Variants in ZDHHC11 observed in about 807,000 individuals in gnomAD.
ZDHHC11 encodes zDHHC palmitoyltransferase 11.
ZDHHC11 carries 44 observed loss-of-function variants against 51.3 expected under a neutral mutation model. The observed-to-expected ratio is 0.86, with a 90% CI of 0.67 to 1.10. ZDHHC11 has a LOEUF of 1.10. Among genes scored for constraint, ZDHHC11 ranks in the 50% least tolerant of loss-of-function variants. ZDHHC11 has a pLI of 0.00. For synonymous variants in ZDHHC11, 163 were observed against 222.0 expected, an observed-to-expected ratio of 0.73 and a Z score of 2.36; for missense variants, 400 against 537.7, an observed-to-expected ratio of 0.74 and a Z score of 2.53.
At chr5:840,383 G>A in intron 5 of ZDHHC11, 112 bp downstream of exon 5, 1 of 1,393,364 alleles carries the variant, frequency 7.2e-7, no homozygotes, top group Non-Finnish European at 1.0e-6. Context: ...AAAGACTCTG[G>A]CCCCAGGCGT....
rs376255281 is a variant in ZDHHC11, at chr5:850,626, C to T, written c.-24G>A. 1.2e-6 allele frequency: 2 copies of T among 1,609,128 alleles called. No individual in the cohort carries two copies. The highest frequency in any genetic ancestry group is 1.7e-5 in the Admixed American group (1 of 59,946). ...ATCTGCAGGACACAGAAGGGGAGGA[C>T]CTGCGCCGTCAGATCCTGGGAGGGC... On this transcript the variant is annotated 5_prime_UTR_variant, in exon 1 of 13. Coordinates refer to ENST00000283441, the MANE Select transcript of ZDHHC11 (RefSeq NM_024786.3).
At chr5:846,854 C>A (rs1366584510) in intron 3 of ZDHHC11, among the ~76,000 whole-genome samples, 1 of 145,526 alleles carries the variant, frequency 6.9e-6, no homozygotes, top group Non-Finnish European at 1.5e-5. Flanking sequence ...AGGGGAAACA[C>A]CTCTCGTTCT....
Position 849,273 on chromosome 5 carries a change from C to T in ZDHHC11, c.223-613G>A, listed in dbSNP as rs1362809685. On this transcript the variant is annotated intron_variant, in intron 1 of 12. Transcript: ENST00000283441. ...AGGGCAAATCCCCCACAGAATGTAC[C>T]GCACCCCCAGAGGCTCAGTCAGCCC... 3.3e-5 allele frequency among the ~76,000 whole-genome samples: 5 copies of T among 152,086 alleles called. No homozygotes were observed. The East Asian group carries it at 7.7e-4, about 23-fold the overall frequency.
At chr5:843,133 A>G (rs1237258288) in intron 4 of ZDHHC11, among the ~76,000 whole-genome samples, 8 of 152,280 alleles carry the variant, frequency 5.3e-5, no homozygotes, top group Non-Finnish European at 1.2e-4. Flanking sequence ...CCCGAGGCCC[A>G]GGCTCCGGGC....
At chr5:840,233 G>A (rs1333533992) in intron 5 of ZDHHC11, 1 of 714,950 alleles carries the variant, frequency 1.4e-6, no homozygotes, top group South Asian at 1.5e-5. Flanking sequence ...CACCACTCCT[G>A]CAGGTCTCGG....
intron 11 of ZDHHC11, among the ~76,000 whole-genome samples, chr5:814,179 G>A (rs554172858): frequency 6.8e-6 from 1 of 146,354 alleles, no homozygotes; most frequent in African/African-American, 2.6e-5. Context: ...TGTTCTGTGA[G>A]AAGTGTATCC....
In ZDHHC11 at chr5:848,627, C is replaced by CGA. The variant is rs1746629286; in HGVS notation, c.254_255dup (p.Val86SerfsTer4). ...TCGATGCAGGACGCGATCAGGTGGA[C>CGA]GACGAGGTGGAACGAGAAGATCCCC... On this transcript the variant is annotated frameshift_variant, in exon 2 of 13. Transcript: ENST00000283441. LOFTEE classifies it high-confidence loss of function. 2.0e-6 allele frequency: 3 copies of CGA among 1,526,582 alleles called. No homozygotes were observed. Among genetic ancestry groups the CGA allele is most frequent in the African/African-American group, 1.5e-5 (1 of 68,308 alleles). 94.6% of individuals were successfully genotyped at this position (1,526,582 alleles called of 1,614,324 possible).
At chr5:828,828 G>C (rs1207165856) in intron 7 of ZDHHC11, among the ~76,000 whole-genome samples, 2 of 139,938 alleles carry the variant, frequency 1.4e-5, no homozygotes, top group Admixed American at 1.4e-4. Context: ...GGAATAAATT[G>C]ATAATTAACT....
chr5:812,420 T>C (rs1239696592), intron 11 of ZDHHC11, among the ~76,000 whole-genome samples: 1 of 151,702 alleles, frequency 6.6e-6, no homozygotes, highest in Non-Finnish European at 1.5e-5. Context: ...GCGCAAACCT[T>C]TGAAAAGCTA....
At chr5:841,107 C>G (rs1744824609) in intron 4 of ZDHHC11, 1 of 926,322 alleles carries the variant, frequency 1.1e-6, no homozygotes, top group Admixed American at 1.2e-4. Flanking sequence ...TCACTAAGTG[C>G]CAGGGTCACA....
At chr5:859,425 C>T (rs753116332), upstream of ZDHHC11, among the ~76,000 whole-genome samples, 2 of 151,982 alleles carry the variant, frequency 1.3e-5, no homozygotes, top group Non-Finnish European at 2.9e-5. Context: ...CGTTGTGGTC[C>T]GCAACAAAAT....
At position 828,356 on chromosome 5, in the gene ZDHHC11, G is replaced by A. The variant is rs1044155353; in HGVS notation, c.936-3105C>T. ...CACCTCCCAGATGCGGCAGCTGGCC[G>A]GGTGGAGGTGCCCCCCACCTCCCTC... On this transcript the variant is annotated intron_variant, in intron 7 of 12. Coordinates refer to ENST00000283441, the MANE Select transcript of ZDHHC11 (RefSeq NM_024786.3). Among the ~76,000 whole-genome samples the A allele has an allele frequency of 4.7e-5, 7 of 149,470 alleles. No individual in the cohort carries two copies. In the East Asian group the frequency reaches 7.8e-4, roughly 17 times the overall value.
chr5:852,912 C>G (rs1378171715), upstream of ZDHHC11, among the ~76,000 whole-genome samples: 1 of 146,720 alleles, frequency 6.8e-6, no homozygotes, highest in African/African-American at 2.5e-5. Context: ...CGGGGACAGA[C>G]CCCGCGGAGG....
upstream of ZDHHC11, among the ~76,000 whole-genome samples, chr5:855,668 C>T (rs371073075): frequency 3.9e-4 from 45 of 116,232 alleles, no homozygotes; most frequent in African/African-American, 1.3e-3. Context: ...GACAGCCAGC[C>T]GGGGGGACAG....
chr5:841,226 C>A (rs1744863462), intron 4 of ZDHHC11: 1 of 1,039,414 alleles, frequency 9.6e-7, no homozygotes, highest in Non-Finnish European at 1.2e-6. Flanking sequence ...CAGTGCCTGC[C>A]GGCTCTGCCG....
At chr5:805,028 TACA>T (rs1739049293) in intron 11 of ZDHHC11, among the ~76,000 whole-genome samples, 1 of 151,416 alleles carries the variant, frequency 6.6e-6, no homozygotes, top group Admixed American at 6.6e-5. Flanking sequence ...AAATGCATAT[TACA>T]ATAATTATAA....
chr5:852,318 A>G (rs79314207), upstream of ZDHHC11, among the ~76,000 whole-genome samples: 4,471 of 152,330 alleles, frequency 0.029, 231 homozygotes, highest in African/African-American at 0.1. Context: ...CAACACGTTC[A>G]TCTGTCAGGA....
At chr5:844,391 G>A (rs374740315) in intron 3 of ZDHHC11, among the ~76,000 whole-genome samples, 19 of 152,408 alleles carry the variant, frequency 1.2e-4, no homozygotes, top group East Asian at 5.8e-4. Flanking sequence ...TCAGAGATGC[G>A]GTGCGACTCG....
At chr5:860,199 CAG>C (rs1281234558), upstream of ZDHHC11, among the ~76,000 whole-genome samples, 2 of 152,206 alleles carry the variant, frequency 1.3e-5, no homozygotes, top group African/African-American at 4.8e-5. This position sits in a 1 kb window ranked among gnomAD's most constrained non-coding sequence, Gnocchi z 4.2. Flanking sequence ...GCCTACCTGA[CAG>C]AGCTCTCCAG....
Sources: allele counts gnomAD v4.1 joint callset (sites outside exome capture counted in the v4.1 genomes callset), GRCh38; gene constraint gnomAD v4.1.1; non-coding constraint Gnocchi (gnomAD v3.1); transcripts MANE v1.5; gene names NCBI Gene and HGNC (gene_info 2026-07-23, HGNC 2026-07-21).